The following CTIF variants were observed in gnomAD, a reference collection of about 807,000 sequenced individuals.
The protein encoded by CTIF is cap binding complex dependent translation initiation factor.
In CTIF, 21 loss-of-function variants were observed where a neutral mutation model predicts 66.0. The ratio of observed to expected loss-of-function variants is 0.32; its 90% CI spans 0.23 to 0.46. The LOEUF (loss-of-function observed/expected upper bound fraction) is 0.46. Ranked by LOEUF, CTIF falls within the 20% of genes least tolerant of loss-of-function variation. The pLI, the probability that CTIF is intolerant of heterozygous loss-of-function variation, is 1.00. For synonymous variants in CTIF, 345 were observed against 326.4 expected (o/e 1.06, Z -0.62); for missense variants, 739 against 812.7 (o/e 0.91, Z 1.10).
intron 6 of CTIF, among the ~76,000 whole-genome samples, chr18:48,672,562 T>G (rs2091553420): frequency 6.6e-6 from 1 of 151,694 alleles, no homozygotes; most frequent in Non-Finnish European, 1.5e-5. Flanking sequence ...CCTATGGGAG[T>G]CTTGAGCCTG....
At chr18:48,582,172 T>A (rs1428961619) in intron 1 of CTIF, among the ~76,000 whole-genome samples, 1 of 151,796 alleles carries the variant, frequency 6.6e-6, no homozygotes, top group African/African-American at 2.4e-5. Flanking sequence ...CAAGGAAGCA[T>A]GGCAAGACTT....
intron 1 of CTIF, among the ~76,000 whole-genome samples, chr18:48,614,995 G>A (rs1207350315): frequency 6.6e-6 from 1 of 152,092 alleles, no homozygotes; most frequent in African/African-American, 2.4e-5. Context: ...CAAACTCCTG[G>A]GCTCAAGCAA....
At chr18:48,814,959 C>G (rs1410995157) in intron 9 of CTIF, among the ~76,000 whole-genome samples, 1 of 152,050 alleles carries the variant, frequency 6.6e-6, no homozygotes, top group Non-Finnish European at 1.5e-5. Context: ...ATATGAGGCC[C>G]ATGAGGTCTG....
intron 1 of CTIF, among the ~76,000 whole-genome samples, chr18:48,607,825 C>G (rs565903713): frequency 6.6e-6 from 1 of 152,332 alleles, no homozygotes; most frequent in South Asian, 2.1e-4. Context: ...GTGACACCAT[C>G]TTCTATAATA....
chr18:48,763,204 C>G (rs1231687050), intron 9 of CTIF, among the ~76,000 whole-genome samples: 1 of 152,168 alleles, frequency 6.6e-6, no homozygotes, highest in Non-Finnish European at 1.5e-5. Flanking sequence ...AAAAAAGGGC[C>G]AGGATGGGGC....
intron 1 of CTIF, among the ~76,000 whole-genome samples, chr18:48,557,391 C>T (rs530642869): frequency 3.3e-5 from 5 of 152,250 alleles, no homozygotes; most frequent in African/African-American, 1.2e-4. Flanking sequence ...AGGAACCTTC[C>T]CTGGAGTTTT....
At chr18:48,599,219 GCC>G (rs1207679218) in intron 1 of CTIF, among the ~76,000 whole-genome samples, 1 of 152,090 alleles carries the variant, frequency 6.6e-6, no homozygotes, top group Admixed American at 6.5e-5. Context: ...TGATAGGCAT[GCC>G]CTCCGTATGT....
intron 7 of CTIF, among the ~76,000 whole-genome samples, chr18:48,742,074 G>A (rs2092559540): frequency 6.6e-6 from 1 of 152,326 alleles, no homozygotes; most frequent in Admixed American, 6.5e-5. Context: ...CCTGCCTCCA[G>A]GGATGAGCTG....
intron 1 of CTIF, among the ~76,000 whole-genome samples, chr18:48,547,752 T>A (rs1340719575): frequency 6.6e-6 from 1 of 152,194 alleles, no homozygotes; most frequent in Non-Finnish European, 1.5e-5. Flanking sequence ...TCCAGCCAAC[T>A]TCTGTCCTAA....
chr18:48,807,641 C>T (rs187935087), intron 9 of CTIF, among the ~76,000 whole-genome samples: 36 of 145,710 alleles, frequency 2.5e-4, no homozygotes, highest in African/African-American at 5.7e-4. Context: ...AGTGCAGTGG[C>T]GCAATCTCGG....
chr18:48,762,998 T>A (rs1909159395), intron 9 of CTIF, among the ~76,000 whole-genome samples: 1 of 152,182 alleles, frequency 6.6e-6, no homozygotes, highest in Non-Finnish European at 1.5e-5. Context: ...CATTCCTGGA[T>A]CGCCCGCACT....
At chr18:48,790,900 C>T (rs75460714) in intron 9 of CTIF, among the ~76,000 whole-genome samples, 8,518 of 152,278 alleles carry the variant, frequency 0.056, 345 homozygotes, top group East Asian at 0.2. Flanking sequence ...AGCCCTTCTC[C>T]TTCTGCTGGG....
intron 10 of CTIF, among the ~76,000 whole-genome samples, chr18:48,841,034 C>A (rs1294894872): frequency 6.6e-6 from 1 of 152,102 alleles, no homozygotes; most frequent in Non-Finnish European, 1.5e-5. Flanking sequence ...GAGGAGTGGG[C>A]CAGTGTGTCC....
intron 9 of CTIF, among the ~76,000 whole-genome samples, chr18:48,794,514 G>C (rs1215750398): frequency 2.0e-5 from 3 of 152,204 alleles, no homozygotes; most frequent in Non-Finnish European, 2.9e-5. Flanking sequence ...TTCTCCCACA[G>C]ATGGGGTGGC....
At chr18:48,747,556 C>A (rs1373504468) in intron 7 of CTIF, among the ~76,000 whole-genome samples, 2 of 152,094 alleles carry the variant, frequency 1.3e-5, no homozygotes, top group Admixed American at 1.3e-4. Context: ...CATGCCCAGG[C>A]CTTGAAGTGA....
intron 9 of CTIF, among the ~76,000 whole-genome samples, chr18:48,809,244 T>C (rs1272905509): frequency 6.6e-6 from 1 of 152,200 alleles, no homozygotes; most frequent in East Asian, 1.9e-4. Context: ...TATTAATTAG[T>C]CACTGAACTC....
intron 2 of CTIF, chr18:48,621,598 G>A: frequency 2.7e-6 from 1 of 376,888 alleles, no homozygotes; most frequent in Non-Finnish European, 5.2e-6. Flanking sequence ...GGGAGTCGAG[G>A]GAGTGGGATG....
intron 7 of CTIF, among the ~76,000 whole-genome samples, chr18:48,747,187 A>G (rs1293100006): frequency 6.6e-6 from 1 of 152,232 alleles, no homozygotes; most frequent in African/African-American, 2.4e-5. Flanking sequence ...GGCCAGCCTG[A>G]GAAGCAATAT....
intron 9 of CTIF, among the ~76,000 whole-genome samples, chr18:48,814,697 A>G (rs1190770609): frequency 2.6e-5 from 4 of 152,196 alleles, no homozygotes; most frequent in African/African-American, 9.6e-5. Flanking sequence ...GTGGCAGGCA[A>G]TGTAATTCAT....
Sources: gnomAD v4.1 joint callset for allele counts (sites outside exome capture counted in the v4.1 genomes callset) on GRCh38, gnomAD v4.1.1 for gene constraint, MANE v1.5 for transcripts, NCBI Gene and HGNC (gene_info 2026-07-23, HGNC 2026-07-21) for gene names.